NRG3: variants seen among roughly 807,000 people sequenced by gnomAD.
NRG3 encodes the protein pro-neuregulin-3, membrane-bound isoform.
A neutral mutation model predicts 66.9 loss-of-function variants in NRG3; 31 were observed. The ratio of observed to expected loss-of-function variants is 0.46; its 90% CI spans 0.35 to 0.63. NRG3 has a LOEUF of 0.63. NRG3 is among the 20% of genes least tolerant of loss of function. The probability of loss-of-function intolerance (pLI) is 0.00; values close to 1 mark genes in which losing one functional copy is unlikely to be tolerated. For synonymous variants in NRG3, 393 were observed against 359.4 expected, an observed-to-expected ratio of 1.09 and a Z score of -1.06; for missense variants, 910 against 878.9, an observed-to-expected ratio of 1.04 and a Z score of -0.45.
At chr10:82,725,887 TTG>T (rs2057569034) in intron 2 of NRG3, among the ~76,000 whole-genome samples, 1 of 152,170 alleles carries the variant, frequency 6.6e-6, no homozygotes, top group African/African-American at 2.4e-5. Context: ...GTGAACTGAA[TTG>T]TACTGCCCCT....
intron 1 of NRG3, among the ~76,000 whole-genome samples, chr10:81,914,888 C>T (rs1354358712): frequency 2.0e-5 from 3 of 151,618 alleles, no homozygotes; most frequent in Admixed American, 6.6e-5. Flanking sequence ...AACAGGGCCT[C>T]CTTTATGTGA....
intron 3 of NRG3, among the ~76,000 whole-genome samples, chr10:82,786,109 A>C (rs1366709332): frequency 6.6e-6 from 1 of 152,196 alleles, no homozygotes; most frequent in Non-Finnish European, 1.5e-5. Context: ...TGAGGCCACT[A>C]CATAAACTCC....
intron 2 of NRG3, among the ~76,000 whole-genome samples, chr10:82,602,651 T>C (rs2047707316): frequency 6.6e-6 from 1 of 152,174 alleles, no homozygotes; most frequent in Non-Finnish European, 1.5e-5. Flanking sequence ...ATATGTTTTT[T>C]TGAGAATTGA....
intron 4 of NRG3, among the ~76,000 whole-genome samples, chr10:82,941,168 T>C (rs1223362801): frequency 2.0e-5 from 3 of 152,042 alleles, no homozygotes; most frequent in African/African-American, 7.2e-5. Flanking sequence ...GTAGCAAGGC[T>C]CAGGGAGCTG....
chr10:82,133,394 G>A (rs1309683804), intron 1 of NRG3, among the ~76,000 whole-genome samples: 1 of 152,038 alleles, frequency 6.6e-6, no homozygotes, highest in Non-Finnish European at 1.5e-5. Flanking sequence ...TATATTTTCT[G>A]TTCGTCTCCC....
chr10:82,809,667 C>A (rs1296482479), intron 3 of NRG3, among the ~76,000 whole-genome samples: 1 of 152,074 alleles, frequency 6.6e-6, no homozygotes, highest in East Asian at 1.9e-4. Context: ...AGAGAATTTA[C>A]TTTCAGGGTT....
chr10:82,413,479 A>T (rs2136175342), intron 2 of NRG3, among the ~76,000 whole-genome samples: 1 of 152,266 alleles, frequency 6.6e-6, no homozygotes, highest in East Asian at 1.9e-4. Flanking sequence ...GAGTAGATTT[A>T]ACATAATTCT....
At chr10:82,486,519 ATTC>A (rs925903262) in intron 2 of NRG3, among the ~76,000 whole-genome samples, 19 of 152,142 alleles carry the variant, frequency 1.2e-4, no homozygotes, top group African/African-American at 4.3e-4. Flanking sequence ...GGTTGAAGCA[ATTC>A]TTCTGCCTCA....
intron 2 of NRG3, among the ~76,000 whole-genome samples, chr10:82,368,729 T>TTTGTATCCCAGATAAAATTATA (rs2084696606): frequency 2.2e-5 from 3 of 138,390 alleles, no homozygotes; most frequent in South Asian, 4.3e-4. Context: ...ATTATATAGT[T>TTTGTATCCCAGATAAAATTATA]TAAGTGGATT....
At chr10:82,731,026 T>G (rs1332008702) in intron 2 of NRG3, among the ~76,000 whole-genome samples, 1 of 152,162 alleles carries the variant, frequency 6.6e-6, no homozygotes, top group Non-Finnish European at 1.5e-5. Context: ...TTTGTTCATT[T>G]TGGTTTTGGT....
chr10:82,780,355 T>A (rs1026778905), intron 3 of NRG3, among the ~76,000 whole-genome samples: 1 of 152,164 alleles, frequency 6.6e-6, no homozygotes, highest in Admixed American at 6.5e-5. Flanking sequence ...AAAGTGTTCC[T>A]ATTTCTCCAC....
chr10:82,022,412 G>A (rs533637945), intron 1 of NRG3, among the ~76,000 whole-genome samples: 90 of 152,068 alleles, frequency 5.9e-4, no homozygotes, highest in African/African-American at 2.1e-3. Flanking sequence ...AGTACCTCCC[G>A]GTTGTGATAT....
chr10:82,046,137 G>A (rs1232458906), intron 1 of NRG3, among the ~76,000 whole-genome samples: 18 of 147,194 alleles, frequency 1.2e-4, no homozygotes, highest in Non-Finnish European at 2.5e-4. Flanking sequence ...GGATGGCATT[G>A]AATCTATAAA....
intron 2 of NRG3, among the ~76,000 whole-genome samples, chr10:82,504,733 C>T (rs1160222580): frequency 5.3e-5 from 8 of 152,170 alleles, no homozygotes; most frequent in Non-Finnish European, 1.2e-4. Flanking sequence ...AAACAAAGTA[C>T]AGTATCATTA....
intron 1 of NRG3, among the ~76,000 whole-genome samples, chr10:82,301,526 A>G (rs956219476): frequency 6.6e-6 from 1 of 151,988 alleles, no homozygotes; most frequent in East Asian, 1.9e-4. Flanking sequence ...GAATTTATCT[A>G]CATCCTAGTA....
At chr10:82,117,027 C>G (rs746004158) in intron 1 of NRG3, among the ~76,000 whole-genome samples, 10 of 152,076 alleles carry the variant, frequency 6.6e-5, no homozygotes, top group Non-Finnish European at 1.3e-4. Context: ...CCACAATGTA[C>G]CCCTACAGCT....
At chr10:82,664,693 C>T (rs1289855808) in intron 2 of NRG3, among the ~76,000 whole-genome samples, 2 of 151,804 alleles carry the variant, frequency 1.3e-5, no homozygotes, top group East Asian at 3.9e-4. Flanking sequence ...TGTTTCATAA[C>T]TTTCTCAGCT....
intron 2 of NRG3, among the ~76,000 whole-genome samples, chr10:82,680,304 T>C (rs991712755): frequency 1.3e-5 from 2 of 152,218 alleles, no homozygotes; most frequent in South Asian, 4.1e-4. Flanking sequence ...AGGTACTTTA[T>C]GTTAGTCTCT....
intron 2 of NRG3, among the ~76,000 whole-genome samples, chr10:82,414,433 T>C (rs934033604): frequency 1.4e-4 from 21 of 152,018 alleles, no homozygotes; most frequent in Non-Finnish European, 2.5e-4. Flanking sequence ...GGATTACAGA[T>C]CATCATAACA....
Sources: allele counts gnomAD v4.1 joint callset (sites outside exome capture counted in the v4.1 genomes callset), GRCh38; gene constraint gnomAD v4.1.1; transcripts MANE v1.5; gene names NCBI Gene and HGNC (gene_info 2026-07-23, HGNC 2026-07-21).